ZCCHC2: variants seen among roughly 807,000 people sequenced by gnomAD.
ZCCHC2 encodes the protein zinc finger CCHC domain-containing protein 2.
In ZCCHC2, 39 loss-of-function variants were observed where a neutral mutation model predicts 103.6. That is an observed-to-expected ratio of 0.38 (90% confidence interval 0.29 to 0.49). The LOEUF (loss-of-function observed/expected upper bound fraction) is 0.49. Among genes scored for constraint, ZCCHC2 ranks in the 20% least tolerant of loss-of-function variants. ZCCHC2 has a pLI of 0.96. For missense variants in ZCCHC2, 1,483 were observed against 1,491.0 expected (o/e 0.99, Z 0.09); for synonymous variants, 687 against 608.9 (o/e 1.13, Z -1.89).
chr18:62,533,525 A>T (rs1568538914), intron 1 of ZCCHC2, among the ~76,000 whole-genome samples: 1 of 151,932 alleles, frequency 6.6e-6, no homozygotes, highest in Non-Finnish European at 1.5e-5. Context: ...ACTTCGTCTC[A>T]AAAAAAGAAA....
intron 5 of ZCCHC2, among the ~76,000 whole-genome samples, chr18:62,555,092 G>C (rs776181709): frequency 2.0e-5 from 3 of 152,090 alleles, no homozygotes; most frequent in African/African-American, 4.8e-5. Context: ...CTGTTTATCT[G>C]TGTGCACTAT....
rs757703463 is a variant in ZCCHC2 at position 62,544,787 on chromosome 18, T to C, written c.1129-15T>C. ...AGGGAATAACCATATAATATGTGTGTTTTTTTTAAATCAGGTAAATTGGTC... is the reference window on the plus strand; with the variant it reads ...AGGGAATAACCATATAATATGTGTGCTTTTTTTAAATCAGGTAAATTGGTC... On this transcript the variant is annotated splice_polypyrimidine_tract_variant and intron_variant, in intron 3 of 13. Coordinates refer to ENST00000269499, the MANE Select transcript of ZCCHC2 (RefSeq NM_017742.6). 2.6e-6 allele frequency: 4 copies of C among 1,534,266 alleles called. No individual in the cohort carries two copies. The highest frequency in any genetic ancestry group is 2.5e-5 in the South Asian group (2 of 80,124).
chr18:62,524,721 G>A (rs867273035), intron 1 of ZCCHC2: 1 of 250,272 alleles, frequency 4.0e-6, no homozygotes. Flanking sequence ...CGCTCGGTGC[G>A]GGAGCCGCCG....
intron 1 of ZCCHC2, chr18:62,525,196 A>G (rs1336253684): frequency 6.6e-6 from 1 of 152,216 alleles, no homozygotes; most frequent in Non-Finnish European, 1.5e-5. Flanking sequence ...CAAAAGAATC[A>G]CTTAAACACC....
At chr18:62,564,682 C>A in intron 10 of ZCCHC2, 47 bp downstream of exon 10, 1 of 1,359,212 alleles carries the variant, frequency 7.4e-7, no homozygotes, top group Non-Finnish European at 1.0e-6. Flanking sequence ...TGATAATAGG[C>A]CTGTTTAGTT....
chr18:62,523,356 G>A lies in ZCCHC2; in HGVS notation c.-69G>A. Reference sequence around the variant, plus strand: ...CTCCTGACGGCCGCGCCGCCGCCTCGGCCCGTGCTCCACCTCGCGGCCCCT... The same window carrying A: ...CTCCTGACGGCCGCGCCGCCGCCTCAGCCCGTGCTCCACCTCGCGGCCCCT... On this transcript the variant is annotated 5_prime_UTR_variant, in exon 1 of 14. Transcript: ENST00000269499. 2 of 991,204 alleles carry A rather than the reference G, an allele frequency of 2.0e-6. No individual in the cohort carries two copies. The highest frequency in any genetic ancestry group is 2.4e-6 in the Non-Finnish European group (2 of 835,168). The allele number at this position is 991,204 out of a possible 1,614,324, so 61.4% of individuals were successfully genotyped here. A position where few individuals can be genotyped will look rare whatever the true frequency, so the allele number is the denominator to read the frequency against.
intron 6 of ZCCHC2, chr18:62,558,454 T>C (rs969978847): frequency 1.3e-4 from 35 of 275,706 alleles, no homozygotes; most frequent in Non-Finnish European, 2.1e-5. Context: ...CTGACAGATA[T>C]GAAATGACTT....
At chr18:62,572,035 G>A (rs1418433914) in intron 12 of ZCCHC2, among the ~76,000 whole-genome samples, 2 of 152,120 alleles carry the variant, frequency 1.3e-5, no homozygotes, top group Non-Finnish European at 2.9e-5. Flanking sequence ...TGAAAACAAC[G>A]TCTCACTGAG....
intron 1 of ZCCHC2, among the ~76,000 whole-genome samples, chr18:62,529,841 G>A (rs1219944586): frequency 6.6e-6 from 1 of 152,136 alleles, no homozygotes; most frequent in African/African-American, 2.4e-5. Flanking sequence ...TTCTACATCC[G>A]GGGATTCAAC....
At chr18:62,536,174 G>A (rs1017262294) in intron 1 of ZCCHC2, among the ~76,000 whole-genome samples, 1 of 152,168 alleles carries the variant, frequency 6.6e-6, no homozygotes, top group Admixed American at 6.5e-5. Context: ...CGTGTGATCT[G>A]TGGCAAAACC....
chr18:62,550,535 T>G lies in ZCCHC2; in HGVS notation c.1313+75T>G, dbSNP rs894152218. 5.8e-6 allele frequency: 6 copies of G among 1,038,808 alleles called. No individual in the cohort carries two copies. The African/African-American group carries it at 8.1e-5, about 14-fold the overall frequency. 64.3% of individuals were successfully genotyped at this position (1,038,808 alleles called of 1,614,324 possible). A position where few individuals can be genotyped will look rare whatever the true frequency, so the allele number is the denominator to read the frequency against. ...GGCCGCTCCAAATGGGGTCTTCAGG[T>G]GGGGGAATCATAGAGATCCTTTCTC... On this transcript the variant is annotated intron_variant, in intron 5 of 13. Transcript: ENST00000269499.
chr18:62,574,781 A>G lies in ZCCHC2; in HGVS notation c.2700A>G (p.Val900=). ...GTVPQPTNVK[V]VLPAAGLSAA... is the part of the protein sequence containing the mutation. ...TCCCTCAGCCTACCAATGTGAAGGT[A>G]GTTCTTCCAGCAGCTGGCCTCTCAG... is the stretch of plus-strand genomic sequence containing the variant. Residue 900 remains valine (V), a synonymous_variant, in exon 13 of 14, where the codon GTA becomes GTG. Coordinates refer to ENST00000269499, the MANE Select transcript of ZCCHC2 (RefSeq NM_017742.6). 1.2e-6 allele frequency: 2 copies of G among 1,614,014 alleles called. No individual in the cohort carries two copies. Among genetic ancestry groups the G allele is most frequent in the Non-Finnish European group, 1.7e-6 (2 of 1,179,892 alleles).
chr18:62,583,673 C>T (rs1354915149), intron 14 of ZCCHC2, among the ~76,000 whole-genome samples: 1 of 152,020 alleles, frequency 6.6e-6, no homozygotes, highest in East Asian at 1.9e-4. Flanking sequence ...ACTGACCCCC[C>T]CCTCCACCCA....
chr18:62,524,141 A>C lies in ZCCHC2; in HGVS notation c.717A>C (p.Glu239Asp). The C allele has an allele frequency of 2.6e-6, 4 of 1,543,300 alleles. No homozygotes were observed. Among genetic ancestry groups the C allele is most frequent in the Non-Finnish European group, 3.5e-6 (4 of 1,145,556 alleles). Residue 239 changes from glutamate to aspartate, a missense_variant, in exon 1 of 14, where the codon GAA (glutamate) becomes GAC (aspartate). By Grantham distance (45) the Glu-to-Asp change is conservative. Around this residue, in one of 3 missense-constraint regions of ZCCHC2, gnomAD observed 568 missense variants for 525.1 expected, o/e 1.08. Transcript: ENST00000269499. ...QDAEKDGSGP[E>D]GGIVEPRVGG... is the part of the protein sequence containing the mutation. ...CCGAGAAGGACGGCTCAGGCCCGGA[A>C]GGCGGCATTGTGGAGCCCCGGGTCG... is the stretch of plus-strand genomic sequence containing the variant.
At chr18:62,528,353 G>C (rs1239636687) in intron 1 of ZCCHC2, among the ~76,000 whole-genome samples, 1 of 152,188 alleles carries the variant, frequency 6.6e-6, no homozygotes, top group Non-Finnish European at 1.5e-5. Flanking sequence ...CCAGCACTTC[G>C]GGAGGCCGAG....
intron 8 of ZCCHC2, among the ~76,000 whole-genome samples, chr18:62,562,769 A>C (rs573767028): frequency 4.6e-5 from 7 of 152,338 alleles, no homozygotes; most frequent in East Asian, 1.9e-4. Context: ...TCACCATCGC[A>C]TAGTGTCTAA....
intron 1 of ZCCHC2, chr18:62,526,105 GTTT>G (rs1367513490): frequency 1.3e-5 from 2 of 151,856 alleles, no homozygotes; most frequent in Non-Finnish European, 2.9e-5. Context: ...TTTAAATTTT[GTTT>G]TTAATAAGCG....
chr18:62,567,144 C>T (rs896616278), intron 11 of ZCCHC2, among the ~76,000 whole-genome samples: 5 of 152,154 alleles, frequency 3.3e-5, no homozygotes, highest in Non-Finnish European at 7.3e-5. Flanking sequence ...TCAAGTGCAG[C>T]GCAGATGTAT....
chr18:62,538,744 C>T (rs894373619), intron 1 of ZCCHC2, among the ~76,000 whole-genome samples: 1 of 152,018 alleles, frequency 6.6e-6, no homozygotes. Context: ...ACTGTCGGGT[C>T]GGGATGTGTG....
Sources: allele counts gnomAD v4.1 joint callset (sites outside exome capture counted in the v4.1 genomes callset), GRCh38; gene constraint gnomAD v4.1.1; regional missense constraint gnomAD v4.1.1; transcripts MANE v1.5; gene names NCBI Gene and HGNC (gene_info 2026-07-23, HGNC 2026-07-21).